Variants in PCCA observed in about 807,000 individuals in gnomAD.
The protein encoded by PCCA is propionyl-CoA carboxylase alpha chain, mitochondrial.
PCCA carries 74 observed loss-of-function variants against 101.3 expected under a neutral mutation model. That is an observed-to-expected ratio of 0.73 (90% CI 0.61 to 0.89). PCCA has a LOEUF of 0.89. Among genes scored for constraint, PCCA ranks in the 40% least tolerant of loss-of-function variants. The pLI is 0.00. For synonymous variants in PCCA, 294 were observed against 313.6 expected, an observed-to-expected ratio of 0.94 and a Z score of 0.66; for missense variants, 891 against 907.0, an observed-to-expected ratio of 0.98 and a Z score of 0.23.
intron 7 of PCCA, among the ~76,000 whole-genome samples, chr13:100,212,506 AAC>A (rs2059277616): frequency 1.3e-5 from 2 of 152,188 alleles, no homozygotes; most frequent in Admixed American, 1.3e-4. Context: ...AGTAATTCTT[AAC>A]AAATGCGACT....
intron 20 of PCCA, among the ~76,000 whole-genome samples, chr13:100,441,103 C>T (rs1205888035): frequency 5.9e-5 from 9 of 152,084 alleles, no homozygotes; most frequent in Admixed American, 2.6e-4. Context: ...AAAATTTAAC[C>T]GAATGGGAAA....
Position 100,289,424 on chromosome 13 carries a change from T to C in PCCA, c.1066-12036T>C, listed in dbSNP as rs140450744. On this transcript the variant is annotated intron_variant, in intron 12 of 23. Coordinates refer to ENST00000376285, the MANE Select transcript of PCCA (RefSeq NM_000282.4). ...TTGGCCTCTGAAAGTGCTGGGATTA[T>C]AGGAGTAAGCTGCTGGCGCCTAGCC... Among the ~76,000 whole-genome samples, 177 of 152,278 alleles carry C rather than the reference T, an allele frequency of 1.2e-3. 1 individual carries two copies. Among genetic ancestry groups the C allele is most frequent in the African/African-American group, 3.8e-3 (159 of 41,568 alleles).
chr13:100,197,930 A>G (rs537809752), intron 6 of PCCA, among the ~76,000 whole-genome samples: 7 of 152,192 alleles, frequency 4.6e-5, no homozygotes, highest in Non-Finnish European at 1.0e-4. Flanking sequence ...TAAAAGTCTG[A>G]GTAATATTGC....
At chr13:100,444,145 A>G (rs150686225) in intron 20 of PCCA, among the ~76,000 whole-genome samples, 37 of 151,692 alleles carry the variant, frequency 2.4e-4, no homozygotes, top group Non-Finnish European at 4.7e-4. Flanking sequence ...TAAACTTGCC[A>G]TGCCATCGTG....
At chr13:100,182,098 CTTTTTTTT>C (rs558498604) in intron 6 of PCCA, among the ~76,000 whole-genome samples, 9 of 105,454 alleles carry the variant, frequency 8.5e-5, no homozygotes, top group Non-Finnish European at 1.7e-4. Context: ...TTTTCTTTTT[CTTTTTTTT>C]TTTTTTTTTG....
intron 1 of PCCA, among the ~76,000 whole-genome samples, chr13:100,095,048 G>T (rs1337511442): frequency 6.6e-6 from 1 of 152,210 alleles, no homozygotes. Flanking sequence ...TCGCCTGAAG[G>T]CTCTAGGGGA....
rs190876772 is a variant in PCCA, at chr13:100,368,302, G to A, written c.1644-170G>A. The stretch of plus-strand genomic sequence containing the variant: ...AATTTGTGAATGACTGTAACAATTA[G>A]GCAATTCAAATTCATAGATACATGA... On this transcript the variant is annotated intron_variant, in intron 18 of 23. Coordinates refer to ENST00000376285, the MANE Select transcript of PCCA (RefSeq NM_000282.4). 2.8e-4 allele frequency among the ~76,000 whole-genome samples: 43 copies of A among 152,108 alleles called. No individual in the cohort carries two copies. In the East Asian group the frequency reaches 7.5e-3, roughly 27 times the overall value.
chr13:100,502,926 G>A (rs910924319), intron 21 of PCCA, among the ~76,000 whole-genome samples: 1 of 152,348 alleles, frequency 6.6e-6, no homozygotes, highest in East Asian at 1.9e-4. Flanking sequence ...TCAGTGCAGC[G>A]TTGGGAAAGG....
Position 100,238,032 on chromosome 13 carries a change from G to A in PCCA, c.637+2154G>A, listed in dbSNP as rs555432377. ...CTGCTCACTGCAACTTCTGCCTCCC[G>A]GGTTCAGGTGATTCTCCTGCCTTCA... On this transcript the variant is annotated intron_variant, in intron 8 of 23. Coordinates refer to ENST00000376285, the MANE Select transcript of PCCA (RefSeq NM_000282.4). Among the ~76,000 whole-genome samples, 7 of 149,690 alleles carry A rather than the reference G, an allele frequency of 4.7e-5. 1 individual carries two copies. The highest frequency in any genetic ancestry group is 3.6e-3 in the Middle Eastern group (1 of 280).
At chr13:100,152,588 A>G (rs949558606) in intron 4 of PCCA, among the ~76,000 whole-genome samples, 1 of 152,034 alleles carries the variant, frequency 6.6e-6, no homozygotes, top group African/African-American at 2.4e-5. Flanking sequence ...CTGGGACTAC[A>G]GGCGTCCGCC....
In PCCA at chr13:100,330,686, AAAT is replaced by A; in HGVS notation, c.1540+17_1540+19del. On this transcript the variant is annotated intron_variant, in intron 17 of 23. Transcript: ENST00000376285. ...TGGCTTCAAAGGTTTGTATGCATTA[AAAT>A]ATTTTAGTGTTTTAAAGTTGTTATT... 1 of 1,402,388 alleles carries A rather than the reference AAAT, an allele frequency of 7.1e-7. No homozygotes were observed. The highest frequency in any genetic ancestry group is 1.0e-6 in the Non-Finnish European group (1 of 987,168). The allele number at this position is 1,402,388 out of a possible 1,614,324, so 86.9% of individuals were successfully genotyped here.
intron 13 of PCCA, 58 bp from the exon 14 acceptor site, chr13:100,302,866 C>G: frequency 1.1e-6 from 1 of 941,242 alleles, no homozygotes; most frequent in Non-Finnish European, 1.8e-6. Flanking sequence ...AAATATTTAA[C>G]CTTACTTGTG....
At chr13:100,390,449 C>T (rs1182302547) in intron 19 of PCCA, among the ~76,000 whole-genome samples, 1 of 151,886 alleles carries the variant, frequency 6.6e-6, no homozygotes. Flanking sequence ...GATTCGGTCT[C>T]CAGTAGTATA....
chr13:100,201,438 G>A lies in PCCA; in HGVS notation c.469-7894G>A, dbSNP rs569358208. On this transcript the variant is annotated intron_variant, in intron 6 of 23. Coordinates refer to ENST00000376285, the MANE Select transcript of PCCA (RefSeq NM_000282.4). ...CAATCACAGACAGTGTAAACTATGAGCATGGTGGCTACGTTTCAGTTTCAT... is the reference window on the plus strand; with the variant it reads ...CAATCACAGACAGTGTAAACTATGAACATGGTGGCTACGTTTCAGTTTCAT... Among the ~76,000 whole-genome samples, 31 of 152,228 alleles carry A rather than the reference G, an allele frequency of 2.0e-4. 1 individual carries two copies. The highest frequency in any genetic ancestry group is 7.2e-4 in the African/African-American group (30 of 41,528).
intron 15 of PCCA, among the ~76,000 whole-genome samples, chr13:100,307,928 G>A (rs999951350): frequency 2.2e-4 from 33 of 152,080 alleles, no homozygotes; most frequent in Non-Finnish European, 5.9e-5. Context: ...GCACGATCTT[G>A]GCTCACTGCA....
intron 2 of PCCA, among the ~76,000 whole-genome samples, chr13:100,107,454 C>T (rs570291318): frequency 2.4e-4 from 36 of 151,836 alleles, no homozygotes; most frequent in African/African-American, 7.5e-4. Context: ...TCTGGGAGGC[C>T]GAGACACGGG....
intron 8 of PCCA, among the ~76,000 whole-genome samples, chr13:100,253,762 CT>C (rs1273647166): frequency 1.3e-5 from 2 of 151,332 alleles, no homozygotes; most frequent in Non-Finnish European, 2.9e-5. Flanking sequence ...GGAGTCACTT[CT>C]GTGTCTGGGG....
chr13:100,133,075 G>A (rs548920779), intron 4 of PCCA, among the ~76,000 whole-genome samples: 18 of 152,192 alleles, frequency 1.2e-4, no homozygotes, highest in African/African-American at 3.6e-4. Flanking sequence ...CACCATGCCC[G>A]GCCTCATTTT....
intron 20 of PCCA, among the ~76,000 whole-genome samples, chr13:100,433,087 T>C (rs2079669629): frequency 6.6e-6 from 1 of 152,264 alleles, no homozygotes; most frequent in African/African-American, 2.4e-5. Flanking sequence ...CTGTGAATTA[T>C]GCTTCCATGA....
Sources: gnomAD v4.1 joint callset for allele counts (sites outside exome capture counted in the v4.1 genomes callset) on GRCh38, gnomAD v4.1.1 for gene constraint, MANE v1.5 for transcripts, NCBI Gene and HGNC (gene_info 2026-07-23, HGNC 2026-07-21) for gene names.